Variants in GRM8 observed in about 807,000 individuals in gnomAD.
The protein encoded by GRM8 is metabotropic glutamate receptor 8.
GRM8 carries 47 observed loss-of-function variants against 87.2 expected under a neutral mutation model. The ratio of observed to expected loss-of-function variants is 0.54; its 90% confidence interval spans 0.43 to 0.69. The LOEUF is 0.69. GRM8 is among the 30% of genes least tolerant of loss of function. The pLI, the probability that GRM8 is intolerant of heterozygous loss-of-function variation, is 0.00. For missense variants in GRM8, 1,019 were observed against 1,139.2 expected (o/e 0.89, Z 1.52); for synonymous variants, 396 against 404.5 (o/e 0.98, Z 0.25).
At chr7:127,104,218 C>G (rs1462360240) in intron 3 of GRM8, among the ~76,000 whole-genome samples, 1 of 151,974 alleles carries the variant, frequency 6.6e-6, no homozygotes, top group African/African-American at 2.4e-5. Context: ...TGGGCAGACA[C>G]TCCAAAAAAA....
intron 6 of GRM8, among the ~76,000 whole-genome samples, chr7:126,893,465 T>A (rs550244213): frequency 2.0e-5 from 3 of 152,128 alleles, no homozygotes; most frequent in East Asian, 3.9e-4. Context: ...TTAAAAAATA[T>A]CATTCCAACA....
At chr7:126,970,446 A>G (rs935597885) in intron 3 of GRM8, among the ~76,000 whole-genome samples, 7 of 152,004 alleles carry the variant, frequency 4.6e-5, no homozygotes, top group African/African-American at 1.7e-4. Flanking sequence ...CTTTCCTGAA[A>G]CCTCAGATTC....
At chr7:126,863,491 C>G (rs952830523) in intron 6 of GRM8, among the ~76,000 whole-genome samples, 1 of 152,110 alleles carries the variant, frequency 6.6e-6, no homozygotes, top group African/African-American at 2.4e-5. Flanking sequence ...TGAGCCATAG[C>G]AAGATAAAGT....
At chr7:126,746,502 A>G (rs1815702283) in intron 7 of GRM8, among the ~76,000 whole-genome samples, 1 of 151,718 alleles carries the variant, frequency 6.6e-6, no homozygotes, top group Non-Finnish European at 1.5e-5. Context: ...AACAAAAAGC[A>G]AAATTTAAAC....
At chr7:126,842,757 C>G (rs1796391507) in intron 6 of GRM8, among the ~76,000 whole-genome samples, 1 of 152,158 alleles carries the variant, frequency 6.6e-6, no homozygotes, top group African/African-American at 2.4e-5. Context: ...CCAATGAATG[C>G]AAGCAGCTTC....
chr7:126,864,760 G>A (rs984520388), intron 6 of GRM8, among the ~76,000 whole-genome samples: 2 of 152,152 alleles, frequency 1.3e-5, no homozygotes, highest in Admixed American at 6.5e-5. Context: ...ACTATGAGCT[G>A]TTGTGTTTTT....
intron 3 of GRM8, among the ~76,000 whole-genome samples, chr7:127,092,521 T>A (rs916719891): frequency 1.3e-5 from 2 of 152,122 alleles, no homozygotes; most frequent in Admixed American, 1.3e-4. Context: ...CGTGGTGAAA[T>A]CTTGTCTCTA....
intron 8 of GRM8, among the ~76,000 whole-genome samples, chr7:126,560,324 G>A (rs895184041): frequency 6.6e-6 from 1 of 152,140 alleles, no homozygotes; most frequent in Non-Finnish European, 1.5e-5. Context: ...ATTGATTTAT[G>A]TAATGGAAAC....
intron 3 of GRM8, among the ~76,000 whole-genome samples, chr7:127,083,683 GC>G (rs1345696532): frequency 6.6e-6 from 1 of 150,480 alleles, no homozygotes; most frequent in Non-Finnish European, 1.5e-5. Flanking sequence ...CCTTGAAATT[GC>G]CATTACCCTT....
chr7:126,616,397 G>T (rs1799496279), intron 7 of GRM8, among the ~76,000 whole-genome samples: 2 of 152,132 alleles, frequency 1.3e-5, no homozygotes, highest in African/African-American at 2.4e-5. Context: ...GAAATTTATA[G>T]CACGAAATGC....
chr7:127,239,943 TA>T (rs1486876209), intron 2 of GRM8, among the ~76,000 whole-genome samples: 2 of 152,212 alleles, frequency 1.3e-5, no homozygotes, highest in East Asian at 3.8e-4. Flanking sequence ...TTCTGTAGGT[TA>T]AACGCGCACT....
At chr7:127,198,026 G>A (rs1795383996) in intron 2 of GRM8, among the ~76,000 whole-genome samples, 1 of 151,062 alleles carries the variant, frequency 6.6e-6, no homozygotes, top group South Asian at 2.1e-4. Flanking sequence ...GCCTAATGAG[G>A]TTGTCTTTGA....
chr7:127,124,931 C>T (rs2133197479), intron 2 of GRM8, among the ~76,000 whole-genome samples: 1 of 152,164 alleles, frequency 6.6e-6, no homozygotes, highest in Non-Finnish European at 1.5e-5. Context: ...AAAAATTTAA[C>T]ATCCATTCAC....
At chr7:126,583,237 T>C (rs1795778671) in intron 8 of GRM8, among the ~76,000 whole-genome samples, 1 of 152,020 alleles carries the variant, frequency 6.6e-6, no homozygotes, top group African/African-American at 2.4e-5. Context: ...GCGCCTGTAG[T>C]CCCAGCTACT....
At chr7:127,032,250 A>G (rs980144470) in intron 3 of GRM8, among the ~76,000 whole-genome samples, 4 of 152,136 alleles carry the variant, frequency 2.6e-5, no homozygotes, top group African/African-American at 9.7e-5. Flanking sequence ...CCAGGAACTT[A>G]ATCCTCACAG....
chr7:126,998,794 G>A (rs1399070278), intron 3 of GRM8, among the ~76,000 whole-genome samples: 4 of 151,708 alleles, frequency 2.6e-5, no homozygotes. Context: ...CATGTTCAAG[G>A]ATTGAAGGAA....
At position 126,904,557 on chromosome 7, in the gene GRM8, T is replaced by C; in HGVS notation, c.854A>G (p.Asp285Gly). The C allele has an allele frequency of 3.7e-6, 6 of 1,613,672 alleles. No individual in the cohort carries two copies. The highest frequency in any genetic ancestry group is 5.1e-6 in the Non-Finnish European group (6 of 1,179,654). Residue 285 changes from aspartate to glycine, a missense_variant, in exon 4 of 11, where the codon GAT becomes GGT. Transcript: ENST00000339582. ...GAAAAGTAATCAGCACCTGATGTCATCCTCATTGGCAAACATAATCACTGC... is the reference window on the plus strand; with the variant it reads ...GAAAAGTAATCAGCACCTGATGTCACCCTCATTGGCAAACATAATCACTGC... ...ARAVIMFANE[D>G]DIRRILEAAK... is the part of the protein sequence containing the mutation.
chr7:126,808,774 A>AT (rs1658423222), intron 6 of GRM8, among the ~76,000 whole-genome samples: 1 of 152,110 alleles, frequency 6.6e-6, no homozygotes, highest in Non-Finnish European at 1.5e-5. Context: ...CAGAAGAACT[A>AT]TTTCTTGAGG....
intron 6 of GRM8, among the ~76,000 whole-genome samples, chr7:126,770,301 T>C (rs1425369201): frequency 1.3e-5 from 2 of 152,170 alleles, no homozygotes; most frequent in Non-Finnish European, 2.9e-5. Flanking sequence ...AAAAGATGTA[T>C]AGTTTCATTA....
Sources: gnomAD v4.1 joint callset for allele counts (sites outside exome capture counted in the v4.1 genomes callset) on GRCh38, gnomAD v4.1.1 for gene constraint, MANE v1.5 for transcripts, NCBI Gene and HGNC (gene_info 2026-07-23, HGNC 2026-07-21) for gene names.